ASTN2: variants seen among roughly 807,000 people sequenced by gnomAD.
ASTN2 encodes astrotactin-2.
A neutral mutation model predicts 139.8 loss-of-function variants in ASTN2; 54 were observed. The ratio of observed to expected loss-of-function variants is 0.39; its 90% CI spans 0.31 to 0.48. The LOEUF (loss-of-function observed/expected upper bound fraction) is 0.48, where lower values mean the gene tolerates loss of function less well. Ranked by LOEUF, ASTN2 falls within the 20% of genes least tolerant of loss-of-function variation. The pLI is 0.95. For synonymous variants in ASTN2, 756 were observed against 719.5 expected, an observed-to-expected ratio of 1.05 and a Z score of -0.81; for missense variants, 1,565 against 1,725.1, an observed-to-expected ratio of 0.91 and a Z score of 1.64.
At chr9:117,269,666 G>A (rs965963619) in intron 2 of ASTN2, among the ~76,000 whole-genome samples, 16 of 152,170 alleles carry the variant, frequency 1.1e-4, no homozygotes, top group African/African-American at 3.4e-4. Flanking sequence ...GCAAGGCCCC[G>A]TGCGAATCAT....
intron 19 of ASTN2, among the ~76,000 whole-genome samples, chr9:116,502,219 G>A (rs1849884994): frequency 6.6e-6 from 1 of 151,822 alleles, no homozygotes; most frequent in Non-Finnish European, 1.5e-5. Context: ...GAGAGGCAGA[G>A]AGACATAGAG....
rs79958497 is a variant in ASTN2 at position 116,873,639 on chromosome 9, G to T, written c.1890-9906C>A. On this transcript the variant is annotated intron_variant, in intron 10 of 22. Coordinates refer to ENST00000313400, the MANE Select transcript of ASTN2 (RefSeq NM_001365068.1). ...TTGTGCTATTATCCCTGTTGATATG[G>T]TTTGGCTGTGTGTCCCCACCCAAAT... Among the ~76,000 whole-genome samples, 1,036 of 152,300 alleles carry T rather than the reference G, an allele frequency of 6.8e-3. 8 individuals are homozygous for T. The highest frequency in any genetic ancestry group is 9.8e-3 in the Non-Finnish European group (666 of 68,040).
chr9:117,301,166 C>T (rs1405901616), intron 1 of ASTN2, among the ~76,000 whole-genome samples: 1 of 152,144 alleles, frequency 6.6e-6, no homozygotes, highest in Non-Finnish European at 1.5e-5. Flanking sequence ...TACCATTTCC[C>T]TCTCTCCTTG....
chr9:116,428,455 C>T (rs1024849393), intron 22 of ASTN2, among the ~76,000 whole-genome samples: 1 of 151,538 alleles, frequency 6.6e-6, no homozygotes, highest in Admixed American at 6.6e-5. Flanking sequence ...AACCGTAAGG[C>T]GGAGGTTACA....
At chr9:117,062,799 G>T (rs1839330793) in intron 5 of ASTN2, among the ~76,000 whole-genome samples, 1 of 152,166 alleles carries the variant, frequency 6.6e-6, no homozygotes. Flanking sequence ...TTTATGTCTA[G>T]TGAAAGGAAT....
intron 5 of ASTN2, among the ~76,000 whole-genome samples, chr9:117,068,918 G>T (rs2132703393): frequency 9.1e-6 from 1 of 109,342 alleles, no homozygotes; most frequent in Admixed American, 1.0e-4. Context: ...TATTAGTCTT[G>T]CTAGCGGTCT....
intron 17 of ASTN2, among the ~76,000 whole-genome samples, chr9:116,647,930 C>G (rs1300176464): frequency 6.6e-6 from 1 of 152,070 alleles, no homozygotes; most frequent in African/African-American, 2.4e-5. Context: ...TGCGCTCAAG[C>G]GATCCTCCCA....
At chr9:116,443,337 A>G (rs1314665541) in intron 20 of ASTN2, among the ~76,000 whole-genome samples, 1 of 152,152 alleles carries the variant, frequency 6.6e-6, no homozygotes, top group Non-Finnish European at 1.5e-5. Flanking sequence ...GTGTGGCTGG[A>G]ACAAAGGGAA....
chr9:116,976,240 G>A, intron 8 of ASTN2, 52 bp from the exon 9 acceptor site: 8 of 1,490,642 alleles, frequency 5.4e-6, no homozygotes, highest in Non-Finnish European at 7.5e-6. Flanking sequence ...GAGGCAGGTA[G>A]AATTCACATG....
intron 1 of ASTN2, among the ~76,000 whole-genome samples, chr9:117,292,674 A>G (rs1333595538): frequency 1.3e-5 from 2 of 152,074 alleles, no homozygotes; most frequent in Non-Finnish European, 2.9e-5. Context: ...GTATTCCTAC[A>G]GTCTCCAAAG....
At chr9:116,521,496 C>G (rs1054505199) in intron 19 of ASTN2, among the ~76,000 whole-genome samples, 1 of 152,112 alleles carries the variant, frequency 6.6e-6, no homozygotes, top group African/African-American at 2.4e-5. Context: ...AAAATCAACT[C>G]AAGATGGATC....
chr9:116,961,439 T>C (rs1370494530), intron 10 of ASTN2, among the ~76,000 whole-genome samples: 1 of 152,200 alleles, frequency 6.6e-6, no homozygotes, highest in African/African-American at 2.4e-5. Context: ...TTGGCTACTC[T>C]AAGTACCTCA....
chr9:117,080,777 C>T (rs1360789168), intron 5 of ASTN2, among the ~76,000 whole-genome samples: 3 of 152,144 alleles, frequency 2.0e-5, no homozygotes, highest in African/African-American at 7.2e-5. Context: ...ACTTCTTCCA[C>T]AGACAGAAGC....
intron 3 of ASTN2, among the ~76,000 whole-genome samples, chr9:117,176,424 T>C (rs887182902): frequency 6.6e-6 from 1 of 152,188 alleles, no homozygotes; most frequent in Non-Finnish European, 1.5e-5. Flanking sequence ...ACATTTTAAA[T>C]GTAAAAAAAT....
At chr9:117,360,177 T>G (rs546453558) in intron 1 of ASTN2, among the ~76,000 whole-genome samples, 1 of 152,284 alleles carries the variant, frequency 6.6e-6, no homozygotes, top group Admixed American at 6.5e-5. Flanking sequence ...GTCAAACATT[T>G]GCTGAATATG....
chr9:117,043,713 G>C (rs937051241), intron 5 of ASTN2, among the ~76,000 whole-genome samples: 1 of 152,024 alleles, frequency 6.6e-6, no homozygotes, highest in African/African-American at 2.4e-5. Flanking sequence ...TTCAAGACCA[G>C]CCTGGCCAAC....
intron 3 of ASTN2, among the ~76,000 whole-genome samples, chr9:117,146,299 G>A (rs890580983): frequency 2.6e-5 from 4 of 151,966 alleles, no homozygotes; most frequent in Non-Finnish European, 4.4e-5. Flanking sequence ...TGAGCATCGC[G>A]GCAGGCCCAG....
intron 16 of ASTN2, among the ~76,000 whole-genome samples, chr9:116,694,624 C>G (rs1374949640): frequency 2.8e-5 from 3 of 106,492 alleles, no homozygotes; most frequent in Admixed American, 1.1e-4. Context: ...CCACGCCCAG[C>G]TAATTTTTTT....
Position 117,347,710 on chromosome 9 carries a change from C to T in ASTN2, c.443-56197G>A, listed in dbSNP as rs190511475. 1.5e-3 allele frequency among the ~76,000 whole-genome samples: 232 copies of T among 152,232 alleles called. 1 individual carries two copies. Among genetic ancestry groups the T allele is most frequent in the African/African-American group, 5.3e-3 (220 of 41,542 alleles). ...TAAATTAAAAATGAGAATGTGGTGG[C>T]TACAACCACACAAAGAAAGCAGCGG... On this transcript the variant is annotated intron_variant, in intron 1 of 22. Coordinates refer to ENST00000313400, the MANE Select transcript of ASTN2 (RefSeq NM_001365068.1).
Sources: gnomAD v4.1 joint callset for allele counts (sites outside exome capture counted in the v4.1 genomes callset) on GRCh38, gnomAD v4.1.1 for gene constraint, MANE v1.5 for transcripts, NCBI Gene and HGNC (gene_info 2026-07-23, HGNC 2026-07-21) for gene names.